HMOX2: variants seen among roughly 807,000 people sequenced by gnomAD.
HMOX2 encodes heme oxygenase 2.
HMOX2 carries 30 observed loss-of-function variants against 33.7 expected under a neutral mutation model. That is an observed-to-expected ratio of 0.89 (90% CI 0.67 to 1.21). The LOEUF is 1.21. Among genes scored for constraint, HMOX2 ranks in the 50% most tolerant of loss-of-function variants. HMOX2 has a pLI of 0.00. For missense variants in HMOX2, 403 were observed against 399.1 expected, an observed-to-expected ratio of 1.01 and a Z score of -0.08; for synonymous variants, 155 against 155.0, an observed-to-expected ratio of 1.00 and a Z score of 0.00.
chr16:4,478,526 G>A (rs563092541), intron 1 of HMOX2, among the ~76,000 whole-genome samples: 10 of 152,090 alleles, frequency 6.6e-5, no homozygotes, highest in Admixed American at 3.3e-4. Context: ...CGAGATGGGC[G>A]GATCACCTGA....
chr16:4,477,906 G>A (rs565698408), intron 1 of HMOX2, among the ~76,000 whole-genome samples: 3 of 146,328 alleles, frequency 2.1e-5, no homozygotes, highest in Non-Finnish European at 4.6e-5. Context: ...GGGTGACAGA[G>A]TGAGACCCTG....
intron 1 of HMOX2, among the ~76,000 whole-genome samples, chr16:4,480,579 A>G (rs1397428961): frequency 6.6e-6 from 1 of 151,578 alleles, no homozygotes; most frequent in African/African-American, 2.4e-5. Flanking sequence ...TCCTGACCTC[A>G]AGTGGTCCAC....
At chr16:4,506,409 A>C (rs923867143) in intron 2 of HMOX2, among the ~76,000 whole-genome samples, 2 of 152,156 alleles carry the variant, frequency 1.3e-5, no homozygotes, top group African/African-American at 4.8e-5. Context: ...ATAGTCTCAA[A>C]GAAGCTGTGG....
intron 1 of HMOX2, among the ~76,000 whole-genome samples, chr16:4,478,906 G>A (rs910527332): frequency 3.3e-5 from 5 of 152,160 alleles, no homozygotes; most frequent in Non-Finnish European, 5.9e-5. Context: ...TGTAATCCCA[G>A]CACTTTGGGA....
intron 1 of HMOX2, among the ~76,000 whole-genome samples, chr16:4,499,714 GAT>G (rs1221895816): frequency 2.6e-5 from 4 of 152,146 alleles, no homozygotes; most frequent in Non-Finnish European, 5.9e-5. Flanking sequence ...TGAGCTGATG[GAT>G]ATGTTAATAA....
chr16:4,478,715 A>G (rs1328000145), intron 1 of HMOX2, among the ~76,000 whole-genome samples: 4 of 151,884 alleles, frequency 2.6e-5, no homozygotes, highest in Non-Finnish European at 5.9e-5. Context: ...CGATGAGCCA[A>G]GATTGTGCCA....
At chr16:4,500,382 C>T (rs1289494768) in intron 1 of HMOX2, among the ~76,000 whole-genome samples, 2 of 152,134 alleles carry the variant, frequency 1.3e-5, no homozygotes, top group African/African-American at 4.8e-5. Context: ...TGTGGGGTAA[C>T]AACCCGAGTT....
chr16:4,502,387 G>A (rs2141593328), intron 1 of HMOX2, among the ~76,000 whole-genome samples: 1 of 152,344 alleles, frequency 6.6e-6, no homozygotes, highest in Middle Eastern at 3.4e-3. Context: ...CAAATGGCAA[G>A]AAGCACGCTG....
At chr16:4,489,831 G>C (rs7194436) in intron 1 of HMOX2, among the ~76,000 whole-genome samples, 17,152 of 152,136 alleles carry the variant, frequency 0.11, 2,014 homozygotes, top group African/African-American at 0.29. Context: ...AGGCTGGTCT[G>C]AAACTCCTGG....
intron 1 of HMOX2, chr16:4,481,950 G>A (rs1404534939): frequency 1.3e-5 from 2 of 152,182 alleles, no homozygotes; most frequent in Admixed American, 6.6e-5. Context: ...AGTGTTTGAC[G>A]GCAGATGAAA....
At chr16:4,507,569 C>A in intron 3 of HMOX2, 144 bp from the exon 4 acceptor site, 1 of 809,196 alleles carries the variant, frequency 1.2e-6, no homozygotes, top group Non-Finnish European at 1.9e-6. Flanking sequence ...CAAAAGCTTC[C>A]TTGTGTGTTA....
In HMOX2 at chr16:4,506,972, A is replaced by C; in HGVS notation, c.164A>C (p.Lys55Thr). 1 of 1,613,986 alleles carries C rather than the reference A, an allele frequency of 6.2e-7. No individual in the cohort carries two copies. The highest frequency in any genetic ancestry group is 8.5e-7 in the Non-Finnish European group (1 of 1,179,830). The change falls in exon 3 of 6, where the codon AAG becomes ACG. Residue 55 changes from lysine (K) to threonine (T), a missense_variant. Lys to Thr is a moderately conservative substitution (Grantham distance 78). Transcript: ENST00000570646. The part of the protein sequence containing the change: ...HDRAENTQFV[K>T]DFLKGNIKKE... The stretch of plus-strand genomic sequence containing the variant: ...CGGGCAGAAAACACCCAGTTTGTCA[A>C]GGACTTCTTGAAAGGCAACATTAAG...
At chr16:4,477,141 C>T (rs1380238488) in intron 1 of HMOX2, among the ~76,000 whole-genome samples, 1 of 152,092 alleles carries the variant, frequency 6.6e-6, no homozygotes, top group Non-Finnish European at 1.5e-5. Flanking sequence ...GGATTAATTG[C>T]CCTGCAAAAG....
chr16:4,476,965 T>A (rs1173697901), intron 1 of HMOX2, among the ~76,000 whole-genome samples: 2 of 152,152 alleles, frequency 1.3e-5, no homozygotes. Flanking sequence ...CTTCCTCTAA[T>A]GCCCTTATCT....
intron 1 of HMOX2, among the ~76,000 whole-genome samples, chr16:4,498,309 TA>T (rs760837889): frequency 1.5e-4 from 23 of 151,908 alleles, no homozygotes; most frequent in Non-Finnish European, 2.2e-4. Context: ...TCAGGTGATC[TA>T]CCCGCTCGGC....
chr16:4,507,830 G>A lies in HMOX2; in HGVS notation c.322G>A (p.Ala108Thr). 6.2e-7 allele frequency: 1 copy of A among 1,614,246 alleles called. No homozygotes were observed. The highest frequency in any genetic ancestry group is 1.1e-5 in the South Asian group (1 of 91,090). ...YFPMELHRKEALTKDMEYFFG... is the reference protein window; with the variant it reads ...YFPMELHRKETLTKDMEYFFG... Reference sequence around the variant, plus strand: ...CCCCATGGAGCTGCACCGGAAGGAGGCGCTGACCAAGGACATGGAGTATTT... The same window carrying A: ...CCCCATGGAGCTGCACCGGAAGGAGACGCTGACCAAGGACATGGAGTATTT... The change falls in exon 4 of 6, where the codon GCG becomes ACG. Residue 108 changes from alanine (A) to threonine (T), a missense_variant. Ala to Thr is a moderately conservative substitution (Grantham distance 58). Coordinates refer to ENST00000570646, the MANE Select transcript of HMOX2 (RefSeq NM_002134.4).
In HMOX2 at chr16:4,484,950, G is replaced by T. The variant is rs946963402; in HGVS notation, c.-42+8463G>T. On this transcript the variant is annotated intron_variant, in intron 1 of 5. Coordinates refer to ENST00000570646, the MANE Select transcript of HMOX2 (RefSeq NM_002134.4). ...TGTAGTACATATGTAGCCATCTGTTGTTTTTTTTTTCCCTGAAGATTGATT... is the reference window on the plus strand; with the variant it reads ...TGTAGTACATATGTAGCCATCTGTTTTTTTTTTTTTCCCTGAAGATTGATT... Among the ~76,000 whole-genome samples, 3 of 148,198 alleles carry T rather than the reference G, an allele frequency of 2.0e-5. No homozygotes were observed. In the South Asian group the frequency reaches 6.4e-4, roughly 32 times the overall value.
chr16:4,480,547 G>C (rs2057996327), intron 1 of HMOX2, among the ~76,000 whole-genome samples: 1 of 151,912 alleles, frequency 6.6e-6, no homozygotes, highest in Non-Finnish European at 1.5e-5. Flanking sequence ...GTTTCACCAT[G>C]CTGGCCAGGC....
chr16:4,485,855 G>C (rs1205758156), intron 1 of HMOX2, among the ~76,000 whole-genome samples: 4 of 152,108 alleles, frequency 2.6e-5, no homozygotes, highest in Non-Finnish European at 4.4e-5. Flanking sequence ...CTCCCAGGTA[G>C]CTGGGATTAA....
Sources: allele counts gnomAD v4.1 joint callset (sites outside exome capture counted in the v4.1 genomes callset), GRCh38; gene constraint gnomAD v4.1.1; transcripts MANE v1.5; gene names NCBI Gene and HGNC (gene_info 2026-07-23, HGNC 2026-07-21).